The following GRK3 variants were observed in gnomAD, a reference collection of about 807,000 sequenced individuals.
GRK3 encodes the protein G protein-coupled receptor kinase 3.
Under a neutral mutation model 95.7 loss-of-function variants are expected in GRK3, and 54 were observed. The observed-to-expected ratio is 0.56, with a 90% CI of 0.45 to 0.71. The LOEUF is 0.71. Among genes scored for constraint, GRK3 ranks in the 30% least tolerant of loss-of-function variants. The probability of loss-of-function intolerance (pLI) is 0.00; values close to 1 mark genes in which losing one functional copy is unlikely to be tolerated. For synonymous variants in GRK3, 281 were observed against 290.8 expected (o/e 0.97, Z 0.34); for missense variants, 649 against 851.2 (o/e 0.76, Z 2.96).
At chr22:25,714,715 T>C (rs147663452) in intron 18 of GRK3, 145 bp downstream of exon 18, 2 of 737,864 alleles carry the variant, frequency 2.7e-6, no homozygotes, top group Non-Finnish European at 4.3e-6. Context: ...TGCTCTGGCT[T>C]GGAAGAGCTC....
chr22:25,602,080 A>G (rs1382357561), intron 1 of GRK3, among the ~76,000 whole-genome samples: 1 of 152,218 alleles, frequency 6.6e-6, no homozygotes, highest in Non-Finnish European at 1.5e-5. Context: ...CATAAATCTG[A>G]CATAGGACTT....
At chr22:25,570,014 C>T (rs1030563639) in intron 1 of GRK3, among the ~76,000 whole-genome samples, 2 of 152,180 alleles carry the variant, frequency 1.3e-5, no homozygotes, top group Non-Finnish European at 2.9e-5. Flanking sequence ...CTGGGCTGCC[C>T]CACCAAAAAC....
intron 8 of GRK3, among the ~76,000 whole-genome samples, chr22:25,674,940 CTG>C (rs1569189407): frequency 1.3e-5 from 2 of 151,618 alleles, no homozygotes; most frequent in African/African-American, 4.8e-5. Context: ...GAGCAAAACT[CTG>C]TCTTGGAAAA....
At chr22:25,692,527 C>T (rs1285209518) in intron 12 of GRK3, among the ~76,000 whole-genome samples, 4 of 152,240 alleles carry the variant, frequency 2.6e-5, no homozygotes, top group African/African-American at 4.8e-5. Context: ...TGACCTCAGA[C>T]CTCCTCGAAC....
chr22:25,583,198 A>G (rs1932164618), intron 1 of GRK3, among the ~76,000 whole-genome samples: 1 of 152,134 alleles, frequency 6.6e-6, no homozygotes, highest in African/African-American at 2.4e-5. Context: ...TGGTAATTTC[A>G]TCCGTTAGTC....
chr22:25,627,970 A>G (rs187032268), intron 2 of GRK3, among the ~76,000 whole-genome samples: 2 of 152,334 alleles, frequency 1.3e-5, no homozygotes, highest in Non-Finnish European at 2.9e-5. Flanking sequence ...GCAAATCCCA[A>G]TACAGAAAAG....
At chr22:25,626,591 C>A (rs1601484829) in intron 2 of GRK3, among the ~76,000 whole-genome samples, 1 of 152,152 alleles carries the variant, frequency 6.6e-6, no homozygotes, top group Non-Finnish European at 1.5e-5. Context: ...TAAAAAAATA[C>A]CTCTGTTATT....
In GRK3 at chr22:25,688,695, G is replaced by A. The variant is rs750627973; in HGVS notation, c.957+1028G>A. On this transcript the variant is annotated intron_variant, in intron 11 of 20. Transcript: ENST00000324198. ...TCTGAGTTTTTCCATTCCAGAACGC[G>A]GTGCTTGGTCCTGGGTTTTACATGT... Among the ~76,000 whole-genome samples the A allele has an allele frequency of 2.0e-5, 3 of 152,184 alleles. No homozygotes were observed. The East Asian group carries it at 5.8e-4, about 29-fold the overall frequency.
chr22:25,684,397 G>A (rs1233754580), intron 9 of GRK3: 1 of 152,142 alleles, frequency 6.6e-6, no homozygotes, highest in East Asian at 1.9e-4. Flanking sequence ...AATTAAGATT[G>A]CATGGCATCT....
intron 1 of GRK3, among the ~76,000 whole-genome samples, chr22:25,571,537 C>T (rs1262954355): frequency 6.6e-6 from 1 of 152,022 alleles, no homozygotes; most frequent in Admixed American, 6.5e-5. Context: ...ATTAAAAACA[C>T]TTATACTATA....
intron 1 of GRK3, among the ~76,000 whole-genome samples, chr22:25,595,947 T>A (rs903527058): frequency 7.2e-5 from 11 of 152,170 alleles, no homozygotes; most frequent in African/African-American, 2.7e-4. Context: ...ACCCGCTTTG[T>A]ATGTATGTGT....
At chr22:25,661,496 T>C (rs958010423) in intron 3 of GRK3, 80 bp from the exon 4 acceptor site, 2 of 833,374 alleles carry the variant, frequency 2.4e-6, no homozygotes, top group Non-Finnish European at 3.8e-6. Flanking sequence ...AAGTGGTTTC[T>C]GCCTGGGCCA....
chr22:25,566,777 A>G (rs115632193), intron 1 of GRK3, among the ~76,000 whole-genome samples: 422 of 152,340 alleles, frequency 2.8e-3, no homozygotes, highest in African/African-American at 9.7e-3. Context: ...ATGTGGTAGA[A>G]AAAGGCTTAA....
At chr22:25,573,385 AT>A (rs1235945832) in intron 1 of GRK3, among the ~76,000 whole-genome samples, 7 of 152,196 alleles carry the variant, frequency 4.6e-5, no homozygotes, top group Non-Finnish European at 5.9e-5. Flanking sequence ...TCCTTGAATG[AT>A]TCAAAATTCA....
At chr22:25,669,786 CTTGT>C (rs2084966840) in intron 6 of GRK3, among the ~76,000 whole-genome samples, 3 of 152,208 alleles carry the variant, frequency 2.0e-5, no homozygotes, top group Admixed American at 1.3e-4. Flanking sequence ...TTCTCTCTTC[CTTGT>C]TTGTTAACCC....
chr22:25,673,295 C>A (rs1308012624), intron 7 of GRK3, among the ~76,000 whole-genome samples: 1 of 152,128 alleles, frequency 6.6e-6, no homozygotes, highest in East Asian at 1.9e-4. Flanking sequence ...ATCTCCTGAC[C>A]TCATGATCAG....
chr22:25,587,315 C>T (rs909416889), intron 1 of GRK3, among the ~76,000 whole-genome samples: 3 of 152,228 alleles, frequency 2.0e-5, no homozygotes, highest in African/African-American at 7.2e-5. Context: ...TCTCTGTCCT[C>T]TAATAATGCC....
intron 6 of GRK3, among the ~76,000 whole-genome samples, chr22:25,670,363 C>T (rs1038131487): frequency 2.0e-5 from 3 of 151,928 alleles, no homozygotes; most frequent in African/African-American, 7.3e-5. Flanking sequence ...TAGCTTAGTG[C>T]GGTGGTGTGT....
intron 1 of GRK3, among the ~76,000 whole-genome samples, chr22:25,571,356 A>C (rs1931694398): frequency 6.6e-6 from 1 of 152,188 alleles, no homozygotes; most frequent in Non-Finnish European, 1.5e-5. Context: ...AGTAAAATAC[A>C]TTATCTATTT....
Sources: gnomAD v4.1 joint callset for allele counts (sites outside exome capture counted in the v4.1 genomes callset) on GRCh38, gnomAD v4.1.1 for gene constraint, MANE v1.5 for transcripts, NCBI Gene and HGNC (gene_info 2026-07-23, HGNC 2026-07-21) for gene names.